The following NAA11 variants were observed in gnomAD, a reference collection of about 807,000 sequenced individuals.
NAA11 encodes N-alpha-acetyltransferase 11.
In NAA11, 15 loss-of-function variants were observed where a neutral mutation model predicts 16.1. That is an observed-to-expected ratio of 0.93 (90% CI 0.62 to 1.44). The LOEUF (loss-of-function observed/expected upper bound fraction) is 1.44. Among genes scored for constraint, NAA11 ranks in the 40% most tolerant of loss-of-function variants. NAA11 has a pLI of 0.00. For missense variants in NAA11, 298 were observed against 291.3 expected (o/e 1.02, Z -0.17); for synonymous variants, 122 against 112.4 (o/e 1.09, Z -0.54).
chr4:79,312,992 G>C (rs1353460681), downstream of NAA11, among the ~76,000 whole-genome samples: 1 of 152,160 alleles, frequency 6.6e-6, no homozygotes, highest in Non-Finnish European at 1.5e-5. Context: ...TGAATGTATA[G>C]AAAGTTGGCT....
the NAA11 span, among the ~76,000 whole-genome samples, chr4:79,183,691 A>G: frequency 3.3e-5 from 5 of 151,520 alleles, no homozygotes; most frequent in East Asian, 9.7e-4. Flanking sequence ...TCTGCCTGTC[A>G]TCTTTTTCTG....
downstream of NAA11, among the ~76,000 whole-genome samples, chr4:79,316,068 G>A (rs1328829117): frequency 6.6e-6 from 1 of 151,962 alleles, no homozygotes; most frequent in Non-Finnish European, 1.5e-5. Flanking sequence ...AATGTGCCTG[G>A]TGCTGGAAAA....
chr4:79,176,884 G>C, the NAA11 span, among the ~76,000 whole-genome samples: 1 of 152,130 alleles, frequency 6.6e-6, no homozygotes, highest in Non-Finnish European at 1.5e-5. Context: ...GCTGTGGACT[G>C]TTAATGCATA....
chr4:79,165,329 C>A, the NAA11 span, among the ~76,000 whole-genome samples: 1 of 152,190 alleles, frequency 6.6e-6, no homozygotes, highest in African/African-American at 2.4e-5. Context: ...CAGCTGTTCA[C>A]CAGAATCTGA....
chr4:79,192,018 T>C, the NAA11 span, among the ~76,000 whole-genome samples: 2 of 152,292 alleles, frequency 1.3e-5, no homozygotes, highest in African/African-American at 4.8e-5. Flanking sequence ...TTCTGAACTT[T>C]CTATTCTGTT....
intron 2 of NAA11, among the ~76,000 whole-genome samples, chr4:79,248,997 C>CG (rs541663138): frequency 6.6e-6 from 1 of 152,178 alleles, no homozygotes; most frequent in African/African-American, 2.4e-5. Context: ...TTGAGCCCCC[C>CG]CCCAGTGCAG....
At chr4:79,157,411 G>A in the NAA11 span, among the ~76,000 whole-genome samples, 1 of 151,852 alleles carries the variant, frequency 6.6e-6, no homozygotes, top group Non-Finnish European at 1.5e-5. Context: ...TTCCATCCAG[G>A]TTGCTGCCAA....
At position 79,279,172 on chromosome 4, in the gene NAA11, T is replaced by C. The variant is rs546855563; in HGVS notation, c.*122+14833A>G. On this transcript the variant is annotated intron_variant and NMD_transcript_variant, in intron 2 of 2. Transcript: ENST00000511542. ...AGGTACCCAATAAATATTTGTTTGATACAGATACAAATGCTGACTATTATA... is the reference window on the plus strand; with the variant it reads ...AGGTACCCAATAAATATTTGTTTGACACAGATACAAATGCTGACTATTATA... 7.2e-4 allele frequency among the ~76,000 whole-genome samples: 110 copies of C among 152,280 alleles called. 1 individual carries two copies. The highest frequency in any genetic ancestry group is 2.5e-3 in the African/African-American group (105 of 41,566).
downstream of NAA11, among the ~76,000 whole-genome samples, chr4:79,314,014 C>T (rs1723858176): frequency 6.6e-6 from 1 of 152,052 alleles, no homozygotes; most frequent in African/African-American, 2.4e-5. Context: ...TGTATACTGC[C>T]ATTGCCAAGT....
chr4:79,252,624 A>G (rs1360334048), intron 2 of NAA11, among the ~76,000 whole-genome samples: 1 of 152,226 alleles, frequency 6.6e-6, no homozygotes, highest in East Asian at 1.9e-4. Context: ...ATTTGATCAG[A>G]TAATTAAAGT....
chr4:79,167,132 T>TATATATATATATATA, the NAA11 span, among the ~76,000 whole-genome samples: 1 of 17,284 alleles, frequency 5.8e-5, no homozygotes, highest in Non-Finnish European at 1.4e-4. Context: ...ACAGCTTATT[T>TATATATATATATATA]TATATATATA....
the NAA11 span, among the ~76,000 whole-genome samples, chr4:79,204,096 A>G: frequency 6.6e-6 from 1 of 151,870 alleles, no homozygotes; most frequent in Non-Finnish European, 1.5e-5. Flanking sequence ...GTATTTTGAC[A>G]ATGTATATAA....
chr4:79,215,016 C>T, the NAA11 span, among the ~76,000 whole-genome samples: 1 of 152,086 alleles, frequency 6.6e-6, no homozygotes, highest in African/African-American at 2.4e-5. Context: ...TATAGCAGCA[C>T]CAACAGACTA....
chr4:79,188,526 A>G, the NAA11 span, among the ~76,000 whole-genome samples: 1 of 151,518 alleles, frequency 6.6e-6, no homozygotes, highest in Non-Finnish European at 1.5e-5. Flanking sequence ...CGGAGCTTGC[A>G]GTGAGCCGAG....
intron 1 of NAA11, among the ~76,000 whole-genome samples, chr4:79,310,052 A>T (rs1723723292): frequency 6.6e-6 from 1 of 152,094 alleles, no homozygotes; most frequent in African/African-American, 2.4e-5. Context: ...GATTCATTAT[A>T]ATTTTTATTG....
At chr4:79,251,010 C>T (rs1193729710) in intron 2 of NAA11, among the ~76,000 whole-genome samples, 1 of 152,200 alleles carries the variant, frequency 6.6e-6, no homozygotes, top group Admixed American at 6.5e-5. Flanking sequence ...AACACTTATA[C>T]ACTGCTGGTG....
At chr4:79,273,340 A>G (rs1403882106) in intron 2 of NAA11, among the ~76,000 whole-genome samples, 2 of 152,054 alleles carry the variant, frequency 1.3e-5, no homozygotes, top group Non-Finnish European at 2.9e-5. Context: ...TTAGTAGGTT[A>G]AAATCCATGC....
the NAA11 span, among the ~76,000 whole-genome samples, chr4:79,207,488 A>C: frequency 6.6e-6 from 1 of 152,038 alleles, no homozygotes; most frequent in Admixed American, 6.6e-5. Flanking sequence ...CCATGCAAGC[A>C]CACAGCAAGA....
At chr4:79,295,854 T>A (rs1043524895) in intron 1 of NAA11, among the ~76,000 whole-genome samples, 4 of 152,334 alleles carry the variant, frequency 2.6e-5, no homozygotes, top group African/African-American at 9.6e-5. Context: ...CATGAACTTC[T>A]TATTTATTTA....
Sources: gnomAD v4.1 joint callset for allele counts (sites outside exome capture counted in the v4.1 genomes callset) on GRCh38, gnomAD v4.1.1 for gene constraint, MANE v1.5 for transcripts, NCBI Gene and HGNC (gene_info 2026-07-23, HGNC 2026-07-21) for gene names.